The following PTPRQ variants were observed in gnomAD, a reference collection of about 807,000 sequenced individuals.
The protein encoded by PTPRQ is phosphatidylinositol phosphatase PTPRQ.
PTPRQ carries 199 observed loss-of-function variants against 246.0 expected under a neutral mutation model. The ratio of observed to expected loss-of-function variants is 0.81; its 90% CI spans 0.72 to 0.91. The LOEUF (loss-of-function observed/expected upper bound fraction) is 0.91, where lower values mean the gene tolerates loss of function less well. Ranked by LOEUF, PTPRQ falls within the 40% of genes least tolerant of loss-of-function variation. The pLI is 0.00. For synonymous variants in PTPRQ, 869 were observed against 853.2 expected (o/e 1.02, Z -0.32); for missense variants, 2,624 against 2,528.4 (o/e 1.04, Z -0.81).
chr12:80,588,572 A>G, intron 26 of PTPRQ, 120 bp downstream of exon 26: 1 of 1,090,234 alleles, frequency 9.2e-7, no homozygotes, highest in Non-Finnish European at 1.2e-6. Flanking sequence ...ATAACTGAGG[A>G]CACTACCATA....
chr12:80,598,620 A>G (rs1221295046), intron 26 of PTPRQ, among the ~76,000 whole-genome samples: 1 of 151,930 alleles, frequency 6.6e-6, no homozygotes, highest in African/African-American at 2.4e-5. Flanking sequence ...TGTATAGCTG[A>G]GAAAGGACAG....
intron 9 of PTPRQ, among the ~76,000 whole-genome samples, chr12:80,492,277 C>T (rs1183967651): frequency 6.6e-6 from 1 of 151,810 alleles, no homozygotes; most frequent in South Asian, 2.1e-4. Context: ...ACATTTCCAC[C>T]CATAAAATAA....
rs1338061821 is a variant in PTPRQ, at chr12:80,496,417, A to C, written c.2158A>C (p.Ile720Leu). The C allele has an allele frequency of 7.1e-6, 11 of 1,550,738 alleles. No individual in the cohort carries two copies. The highest frequency in any genetic ancestry group is 7.0e-6 in the Non-Finnish European group (8 of 1,146,480). ...GAAGAACACATCAACAACAGACATA[A>C]TATTAAGGAACTTAAGACCTCACAC... ...YMKNTSTTDI[I>L]LRNLRPHTLY... The change falls in exon 14 of 45, where the codon ATA becomes CTA. Residue 720 changes from isoleucine to leucine, a missense_variant. By Grantham distance (5) the Ile-to-Leu change is conservative. Coordinates refer to ENST00000644991, the MANE Select transcript of PTPRQ (RefSeq NM_001145026.2).
intron 42 of PTPRQ, among the ~76,000 whole-genome samples, 198 bp downstream of exon 42, chr12:80,670,690 G>A (rs998919474): frequency 1.1e-4 from 17 of 152,062 alleles, no homozygotes; most frequent in Non-Finnish European, 1.5e-5. Context: ...CTTGACTCGA[G>A]TCTTTTTCAC....
intron 39 of PTPRQ, among the ~76,000 whole-genome samples, chr12:80,662,162 A>G (rs897312074): frequency 6.6e-6 from 1 of 151,974 alleles, no homozygotes; most frequent in African/African-American, 2.4e-5. Flanking sequence ...CATTCACAAT[A>G]GTTAAATCTC....
intron 19 of PTPRQ, among the ~76,000 whole-genome samples, chr12:80,538,451 G>T (rs1896053320): frequency 6.6e-6 from 1 of 152,114 alleles, no homozygotes; most frequent in Non-Finnish European, 1.5e-5. Flanking sequence ...ACATCAAAAA[G>T]CTATGTTAAT....
At chr12:80,537,957 A>T (rs1896037561) in intron 19 of PTPRQ, among the ~76,000 whole-genome samples, 1 of 152,080 alleles carries the variant, frequency 6.6e-6, no homozygotes. Flanking sequence ...AAAATACAAA[A>T]AATTAGCCGG....
intron 17 of PTPRQ, among the ~76,000 whole-genome samples, chr12:80,522,093 G>A (rs1239404082): frequency 1.3e-5 from 2 of 152,062 alleles, no homozygotes; most frequent in East Asian, 3.9e-4. Flanking sequence ...TTGTAAGTTG[G>A]ATTCCTAGGT....
chr12:80,471,627 G>A (rs1252881784), intron 7 of PTPRQ, among the ~76,000 whole-genome samples: 4 of 130,190 alleles, frequency 3.1e-5, no homozygotes, highest in Non-Finnish European at 6.6e-5. Context: ...ACAGGCGCGC[G>A]CCACTACGCC....
At chr12:80,588,007 T>C in intron 25 of PTPRQ, 122 bp from the exon 26 acceptor site, 1 of 1,029,350 alleles carries the variant, frequency 9.7e-7, no homozygotes, top group East Asian at 2.7e-5. Context: ...ATAATTAATC[T>C]AAGAGCTATA....
At position 80,619,477 on chromosome 12, in the gene PTPRQ, T is replaced by C; in HGVS notation, c.5324T>C (p.Ile1775Thr). ...TSTTITIRMP[I>T]CYYSDDHGPI... ...ACAACAATTACAATCAGAATGCCAATATGTTACTACAGTGATGATCATGGA... is the reference window on the plus strand; with the variant it reads ...ACAACAATTACAATCAGAATGCCAACATGTTACTACAGTGATGATCATGGA... The change falls in exon 31 of 45, where the codon ATA becomes ACA. Residue 1775 changes from isoleucine (I) to threonine (T), a missense_variant. Coordinates refer to ENST00000644991, the MANE Select transcript of PTPRQ (RefSeq NM_001145026.2). 1 of 1,548,120 alleles carries C rather than the reference T, an allele frequency of 6.5e-7. No individual in the cohort carries two copies. The highest frequency in any genetic ancestry group is 8.7e-7 in the Non-Finnish European group (1 of 1,144,738).
chr12:80,577,290 T>C (rs1352280865), intron 25 of PTPRQ, among the ~76,000 whole-genome samples: 1 of 152,154 alleles, frequency 6.6e-6, no homozygotes, highest in Non-Finnish European at 1.5e-5. Context: ...CTTACAGTCA[T>C]GGCAAAAAGG....
rs925677439 is a variant in PTPRQ, at chr12:80,615,329, G to A, written c.5164-871G>A. 5.3e-5 allele frequency among the ~76,000 whole-genome samples: 8 copies of A among 150,854 alleles called. No homozygotes were observed. The Admixed American group carries it at 5.3e-4, about 10-fold the overall frequency. On this transcript the variant is annotated intron_variant, in intron 29 of 44. Transcript: ENST00000644991. ...TTAACTCAATAAAAACATTTTAAAA[G>A]TATCTAGAGTGTGGGAGGGTGGGCC...
chr12:80,633,500 G>A (rs748590231), intron 34 of PTPRQ, among the ~76,000 whole-genome samples: 1 of 152,112 alleles, frequency 6.6e-6, no homozygotes, highest in Non-Finnish European at 1.5e-5. Flanking sequence ...GCAGATTGCC[G>A]AGTTAAAGGG....
intron 3 of PTPRQ, chr12:80,454,561 T>A (rs1180800861): frequency 5.7e-6 from 4 of 702,414 alleles, no homozygotes; most frequent in East Asian, 2.7e-5. Flanking sequence ...TTAGGGATAA[T>A]CCTTTAAACT....
chr12:80,641,116 A>C (rs149289390), intron 35 of PTPRQ, among the ~76,000 whole-genome samples: 70 of 152,296 alleles, frequency 4.6e-4, no homozygotes, highest in African/African-American at 1.6e-3. Context: ...TATTTCATGG[A>C]AACGTTATTT....
intron 26 of PTPRQ, among the ~76,000 whole-genome samples, chr12:80,601,645 A>G (rs1898147705): frequency 1.3e-5 from 2 of 151,750 alleles, no homozygotes; most frequent in African/African-American, 2.4e-5. Flanking sequence ...CTGGAAGTCA[A>G]ATTTTTCAAA....
chr12:80,605,152 C>A lies in PTPRQ; in HGVS notation c.4703C>A (p.Pro1568Gln), dbSNP rs923256043. Residue 1568 changes from proline to glutamine, a missense_variant, in exon 27 of 45, where the codon CCA (proline) becomes CAA (glutamine). Pro to Gln is a moderately conservative substitution (Grantham distance 76). Transcript: ENST00000644991. ...AGTGAACCTGCTGTCATTACTGGAC[C>A]AACATGTTATCTGATTGATGTCAAA... ...SWSEPAVITG[P>Q]TCYLIDVKSV... 15 of 1,543,388 alleles carry A rather than the reference C, an allele frequency of 9.7e-6. No homozygotes were observed. In the African/African-American group the frequency reaches 1.2e-4, roughly 13 times the overall value.
chr12:80,477,801 C>T (rs142960015), intron 8 of PTPRQ, among the ~76,000 whole-genome samples: 24 of 152,268 alleles, frequency 1.6e-4, no homozygotes, highest in Non-Finnish European at 3.2e-4. Context: ...CACTCCGACC[C>T]GAATACTGCG....
Sources: gnomAD v4.1 joint callset for allele counts (sites outside exome capture counted in the v4.1 genomes callset) on GRCh38, gnomAD v4.1.1 for gene constraint, MANE v1.5 for transcripts, NCBI Gene and HGNC (gene_info 2026-07-23, HGNC 2026-07-21) for gene names.